The following CD46 variants were observed in gnomAD, a reference collection of about 807,000 sequenced individuals.
CD46 encodes the protein membrane cofactor protein.
A neutral mutation model predicts 53.3 loss-of-function variants in CD46; 30 were observed. The observed-to-expected ratio is 0.56, with a 90% CI of 0.42 to 0.76. CD46 has a LOEUF of 0.76. Ranked by LOEUF, CD46 falls within the 30% of genes least tolerant of loss-of-function variation. The pLI, the probability that CD46 is intolerant of heterozygous loss-of-function variation, is 0.00. For synonymous variants in CD46, 142 were observed against 152.0 expected (o/e 0.93, Z 0.48); for missense variants, 409 against 463.0 (o/e 0.88, Z 1.07).
chr1:207,788,415 A>C (rs1291188809), intron 11 of CD46, among the ~76,000 whole-genome samples: 4 of 150,546 alleles, frequency 2.7e-5, no homozygotes, highest in Non-Finnish European at 4.4e-5. Context: ...CTACTCTGGG[A>C]GGCTGAGGCA....
chr1:207,778,151 A>C (rs947379336), intron 8 of CD46, among the ~76,000 whole-genome samples: 4 of 151,936 alleles, frequency 2.6e-5, no homozygotes, highest in African/African-American at 7.3e-5. Flanking sequence ...TTCTCTTGTA[A>C]ATTTTTTTAA....
chr1:207,789,870 GAAAAAAAAAAAAAAAA>G (rs150136290), intron 11 of CD46, among the ~76,000 whole-genome samples: 3 of 43,350 alleles, frequency 6.9e-5, no homozygotes, highest in African/African-American at 1.8e-4. Context: ...GCTGTGTCTT[GAAAAAAAAAAAAAAAA>G]AAAAAAAAAA....
At chr1:207,757,492 A>T (rs375246466) in intron 2 of CD46, 48 bp from the exon 3 acceptor site, 1 of 1,216,138 alleles carries the variant, frequency 8.2e-7, no homozygotes, top group Non-Finnish European at 1.2e-6. Context: ...TTTGATTCAG[A>T]TCTGTTTTAT....
At chr1:207,788,390 C>T (rs1393561627) in intron 11 of CD46, among the ~76,000 whole-genome samples, 8 of 147,916 alleles carry the variant, frequency 5.4e-5, no homozygotes, top group African/African-American at 2.0e-4. Flanking sequence ...TAGTGGCGGG[C>T]GCCTGTAGTC....
chr1:207,759,552 A>G, intron 3 of CD46, 87 bp from the exon 4 acceptor site: 2 of 756,030 alleles, frequency 2.6e-6, no homozygotes, highest in Non-Finnish European at 4.6e-6. Context: ...GTAGTGTAGA[A>G]AAGAAACCAT....
intron 5 of CD46, chr1:207,763,101 A>G (rs974148836): frequency 6.6e-6 from 1 of 152,316 alleles, no homozygotes; most frequent in African/African-American, 2.4e-5. Context: ...GTCAGTTCCT[A>G]TGATGACCTG....
At position 207,767,063 on chromosome 1, in the gene CD46, T is replaced by C. The variant is rs1229373526; in HGVS notation, c.724T>C (p.Phe242Leu). 2 of 1,613,740 alleles carry C rather than the reference T, an allele frequency of 1.2e-6. No individual in the cohort carries two copies. The highest frequency in any genetic ancestry group is 3.3e-5 in the Admixed American group (2 of 60,000). The change falls in exon 6 of 13, where the codon TTT becomes CTT. Residue 242 changes from phenylalanine (F) to leucine (L), a missense_variant. By Grantham distance (22) the Phe-to-Leu change is conservative. Coordinates refer to ENST00000367042, the MANE Select transcript of CD46 (RefSeq NM_172351.3). ...VVENGKQISG[F>L]GKKFYYKATV... ...CGAAAATGGAAAACAGATATCAGGA[T>C]TTGGAAAAAAATTTTACTACAAAGC...
chr1:207,775,102 ATCTTG>A (rs1227428782), intron 8 of CD46, among the ~76,000 whole-genome samples: 5 of 151,832 alleles, frequency 3.3e-5, no homozygotes, highest in African/African-American at 1.2e-4. Context: ...TTTTTCTCTA[ATCTTG>A]TCTTCTTTTT....
At chr1:207,753,796 CAT>C (rs1655193806) in intron 1 of CD46, among the ~76,000 whole-genome samples, 2 of 152,202 alleles carry the variant, frequency 1.3e-5, no homozygotes, top group African/African-American at 4.8e-5. Context: ...ATGTGCGCGT[CAT>C]GTGTATCTAT....
intron 7 of CD46, 44 bp downstream of exon 7, chr1:207,767,867 T>A (rs1005235122): frequency 1.4e-6 from 2 of 1,415,678 alleles, no homozygotes; most frequent in Non-Finnish European, 2.0e-6. Flanking sequence ...ATCCTTTAAA[T>A]TCCTGGTGAT....
chr1:207,762,142 T>C (rs1656287431), intron 5 of CD46, among the ~76,000 whole-genome samples: 1 of 152,122 alleles, frequency 6.6e-6, no homozygotes, highest in South Asian at 2.1e-4. Flanking sequence ...AATTGGAAAG[T>C]GTACAGGACA....
At chr1:207,776,789 C>T (rs1658164260) in intron 8 of CD46, among the ~76,000 whole-genome samples, 1 of 152,136 alleles carries the variant, frequency 6.6e-6, no homozygotes, top group South Asian at 2.1e-4. Context: ...CCACCACACC[C>T]AGCTATTTTT....
chr1:207,783,299 T>C lies in CD46; in HGVS notation c.951T>C (p.Pro317=). ...TTTCTTCTTTTTTCCTAGGATATCCTAAACCTGAGGAAGGAATACTTGACA... is the reference window on the plus strand; with the variant it reads ...TTTCTTCTTTTTTCCTAGGATATCCCAAACCTGAGGAAGGAATACTTGACA... The part of the protein sequence containing the change: ...KPPVSNYPGY[P]KPEEGILDSL... Residue 317 remains proline (P), a synonymous_variant, in exon 9 of 13, where the codon CCT becomes CCC. Coordinates refer to ENST00000367042, the MANE Select transcript of CD46 (RefSeq NM_172351.3). 6.7e-7 allele frequency: 1 copy of C among 1,494,490 alleles called. No homozygotes were observed. Among genetic ancestry groups the C allele is most frequent in the Non-Finnish European group, 9.3e-7 (1 of 1,072,358 alleles). 92.6% of individuals were successfully genotyped at this position (1,494,490 alleles called of 1,614,324 possible).
intron 12 of CD46, among the ~76,000 whole-genome samples, 195 bp from the exon 13 acceptor site, chr1:207,793,324 G>C (rs953768064): frequency 5.9e-5 from 9 of 152,038 alleles, no homozygotes; most frequent in African/African-American, 2.2e-4. Context: ...TATAAGACAG[G>C]GATAAAGGAA....
At chr1:207,776,193 T>TA (rs1390412706) in intron 8 of CD46, among the ~76,000 whole-genome samples, 1 of 152,156 alleles carries the variant, frequency 6.6e-6, no homozygotes, top group Non-Finnish European at 1.5e-5. Context: ...CACAGGAGGG[T>TA]ATCTCCTGGT....
Position 207,785,625 on chromosome 1 carries a change from G to C in CD46, c.1025G>C (p.Gly342Ala). 1.2e-6 allele frequency: 2 copies of C among 1,607,208 alleles called. No individual in the cohort carries two copies. The highest frequency in any genetic ancestry group is 2.2e-5 in the South Asian group (2 of 90,940). ...IAVIVIAIVV[G>A]VAVICVVPYR... ...GTTTCCTGGTTTCTTATAGTTGTTGGAGTTGCAGTAATTTGTGTTGTCCCG... is the reference window on the plus strand; with the variant it reads ...GTTTCCTGGTTTCTTATAGTTGTTGCAGTTGCAGTAATTTGTGTTGTCCCG... Residue 342 changes from glycine to alanine, a missense_variant, in exon 11 of 13, where the codon GGA (glycine) becomes GCA (alanine). By Grantham distance (60) the Gly-to-Ala change is moderately conservative. Coordinates refer to ENST00000367042, the MANE Select transcript of CD46 (RefSeq NM_172351.3).
intron 5 of CD46, among the ~76,000 whole-genome samples, chr1:207,763,676 T>TTATTTTTTTTCAATG (rs1656494164): frequency 6.6e-6 from 1 of 152,160 alleles, no homozygotes; most frequent in Admixed American, 6.5e-5. Flanking sequence ...TGAATATTTT[T>TTATTTTTTTTCAATG]TATTTTTTTT....
chr1:207,776,006 T>C (rs1261137012), intron 8 of CD46, among the ~76,000 whole-genome samples: 1 of 152,230 alleles, frequency 6.6e-6, no homozygotes, highest in Non-Finnish European at 1.5e-5. Flanking sequence ...CTTACTGAGC[T>C]GCGGTGGGCT....
intron 8 of CD46, among the ~76,000 whole-genome samples, chr1:207,778,527 A>G (rs1431219681): frequency 6.6e-6 from 1 of 152,174 alleles, no homozygotes; most frequent in Non-Finnish European, 1.5e-5. Flanking sequence ...TCCCAGCACC[A>G]TTTATTTAAT....
Sources: gnomAD v4.1 joint callset for allele counts (sites outside exome capture counted in the v4.1 genomes callset) on GRCh38, gnomAD v4.1.1 for gene constraint, MANE v1.5 for transcripts, NCBI Gene and HGNC (gene_info 2026-07-23, HGNC 2026-07-21) for gene names.